Variants in TMPRSS7 observed in about 807,000 individuals in gnomAD.
TMPRSS7 encodes the protein transmembrane serine protease 7, also known as transmembrane protease serine 7.
In TMPRSS7, 81 loss-of-function variants were observed where a neutral mutation model predicts 95.6. That is an observed-to-expected ratio of 0.85 (90% CI 0.71 to 1.02). The LOEUF is 1.02. Ranked by LOEUF, TMPRSS7 falls within the 50% of genes least tolerant of loss-of-function variation. TMPRSS7 has a pLI of 0.00. For missense variants in TMPRSS7, 945 were observed against 955.2 expected, an observed-to-expected ratio of 0.99 and a Z score of 0.14; for synonymous variants, 364 against 337.8, an observed-to-expected ratio of 1.08 and a Z score of -0.85.
chr3:112,080,366 C>T (rs1467870410), intron 17 of TMPRSS7, among the ~76,000 whole-genome samples: 1 of 152,184 alleles, frequency 6.6e-6, no homozygotes, highest in Admixed American at 6.5e-5. Flanking sequence ...CTAAACAGGT[C>T]TCTTCTTCTC....
chr3:112,045,722 C>G (rs2073270229), intron 4 of TMPRSS7, 28 bp from the exon 5 acceptor site: 27 of 1,526,308 alleles, frequency 1.8e-5, no homozygotes, highest in Non-Finnish European at 2.4e-5. Flanking sequence ...CTATGAGGTC[C>G]CTGATGATCT....
At chr3:112,047,784 A>G (rs559558676) in exon 7 of TMPRSS7, 4 of 1,614,032 alleles carry the variant, frequency 2.5e-6, no homozygotes, top group African/African-American at 2.7e-5. Flanking sequence ...CTGTCTCTCC[A>G]CTACCCGCTG....
At chr3:112,062,786 C>T (rs1162149646) in intron 11 of TMPRSS7, among the ~76,000 whole-genome samples, 1 of 152,098 alleles carries the variant, frequency 6.6e-6, no homozygotes, top group African/African-American at 2.4e-5. Context: ...AATAGTGTTT[C>T]CCTCGACCAT....
chr3:112,060,985 C>T (rs1046870958), intron 10 of TMPRSS7, among the ~76,000 whole-genome samples: 19 of 152,130 alleles, frequency 1.2e-4, no homozygotes, highest in African/African-American at 4.3e-4. Context: ...TGGCTTCAGC[C>T]GGTCCCTCCA....
chr3:112,051,668 C>CATCTATCT (rs5851813), intron 9 of TMPRSS7, among the ~76,000 whole-genome samples: 19 of 128,074 alleles, frequency 1.5e-4, no homozygotes, highest in South Asian at 8.4e-4. Context: ...ATCTATCTAT[C>CATCTATCT]ATCTATCTAT....
rs2073687510 is a variant in TMPRSS7 at position 112,074,290 on chromosome 3, T to A, written c.1667-6T>A. The stretch of plus-strand genomic sequence containing the variant: ...GAAAGCTGTTTCTTCTTTTGTCCAT[T>A]GTTAGGTATTCCATGCAACAACAGA... On this transcript the variant is annotated splice_region_variant and splice_polypyrimidine_tract_variant and intron_variant, in intron 13 of 17. Transcript: ENST00000452346. 1 of 1,601,690 alleles carries A rather than the reference T, an allele frequency of 6.2e-7. No homozygotes were observed. Among genetic ancestry groups the A allele is most frequent in the Middle Eastern group, 1.7e-4 (1 of 6,032 alleles).
chr3:112,041,105 C>T (rs2073202142), intron 2 of TMPRSS7, among the ~76,000 whole-genome samples: 1 of 151,062 alleles, frequency 6.6e-6, no homozygotes, highest in South Asian at 2.1e-4. Context: ...CTAGGACGCA[C>T]TTCCCTGATA....
intron 1 of TMPRSS7, 54 bp downstream of exon 1, chr3:112,034,947 C>T: frequency 1.4e-6 from 1 of 701,396 alleles, no homozygotes; most frequent in Non-Finnish European, 2.6e-6. Context: ...ATTGTTGACC[C>T]TGTTAGTAAA....
intron 2 of TMPRSS7, among the ~76,000 whole-genome samples, chr3:112,039,442 T>C (rs149967639): frequency 1.3e-5 from 2 of 152,232 alleles, no homozygotes; most frequent in African/African-American, 4.8e-5. Context: ...TCTTTTTGTA[T>C]ATTAACAAAG....
Position 112,077,161 on chromosome 3 carries a change from A to G in TMPRSS7, c.2224+17A>G, listed in dbSNP as rs770731353. The G allele has an allele frequency of 6.2e-7, 1 of 1,611,378 alleles. No individual in the cohort carries two copies. Among genetic ancestry groups the G allele is most frequent in the Non-Finnish European group, 8.5e-7 (1 of 1,178,424 alleles). On this transcript the variant is annotated intron_variant, in intron 16 of 17. Transcript: ENST00000452346. The stretch of plus-strand genomic sequence containing the variant: ...ACGAAGCAGGTGTGTGTATGAATGA[A>G]TGGTCATGCCCTTCCCCTGCAGAGG...
exon 2 of TMPRSS7, chr3:112,038,247 A>C (rs1338469749): frequency 1.4e-6 from 1 of 702,988 alleles, no homozygotes; most frequent in East Asian, 2.7e-5. Context: ...AATGTACAAA[A>C]TAAAATCATT....
chr3:112,075,382 G>T, exon 15 of TMPRSS7: 2 of 1,523,448 alleles, frequency 1.3e-6, no homozygotes, highest in Middle Eastern at 3.5e-4. Context: ...CCCTGGAGGG[G>T]GGTTGGCCGT....
In TMPRSS7 at chr3:112,049,944, C is replaced by T. The variant is rs566809361; in HGVS notation, c.1060C>T (p.Arg354Trp). 33 of 1,570,906 alleles carry T rather than the reference C, an allele frequency of 2.1e-5. No homozygotes were observed. The South Asian group carries it at 2.1e-4, about 10-fold the overall frequency. Residue 354 changes from arginine to tryptophan, a missense_variant, in exon 8 of 18, where the codon CGG becomes TGG. Arg to Trp is a moderately radical substitution (Grantham distance 101, BLOSUM62 -3). Coordinates refer to ENST00000452346, the Ensembl canonical transcript of TMPRSS7. ...TCATATACGGAGGCTCTCAGGAATC[C>T]GGGCATATTTTGAGGTCATTCCAGA...
chr3:112,074,237 C>T (rs1218601723), intron 13 of TMPRSS7, 59 bp from the exon 14 acceptor site: 3 of 1,194,492 alleles, frequency 2.5e-6, no homozygotes, highest in South Asian at 1.3e-5. Flanking sequence ...ATTCAAATCT[C>T]ATTCACTCAA....
At chr3:112,037,296 C>A (rs2073156306) in intron 1 of TMPRSS7, among the ~76,000 whole-genome samples, 2 of 152,138 alleles carry the variant, frequency 1.3e-5, no homozygotes, top group Non-Finnish European at 2.9e-5. Flanking sequence ...CAGGAAGAGA[C>A]CTCTAAAATG....
At chr3:112,076,167 A>G (rs2073708379) in intron 15 of TMPRSS7, among the ~76,000 whole-genome samples, 1 of 152,214 alleles carries the variant, frequency 6.6e-6, no homozygotes, top group African/African-American at 2.4e-5. Flanking sequence ...AGCTAAGCAA[A>G]TTAGTGACCA....
chr3:112,050,525 A>AAAAAAAAAAAAAAC (rs2073331808), intron 8 of TMPRSS7, 146 bp from the exon 9 acceptor site: 3 of 341,432 alleles, frequency 8.8e-6, no homozygotes, highest in Non-Finnish European at 5.5e-6. Flanking sequence ...TTCTTCTGAA[A>AAAAAAAAAAAAAAC]AAAAAAAAAA....
intron 2 of TMPRSS7, 29 bp downstream of exon 2, chr3:112,038,350 G>C (rs767168930): frequency 1.0e-5 from 7 of 696,672 alleles, no homozygotes; most frequent in Non-Finnish European, 1.8e-5. Flanking sequence ...TTTCTTTGGG[G>C]TTAGGGCTTA....
rs143270245 is a variant in TMPRSS7, at chr3:112,047,738, G to A, written c.731-1G>A. 8.6e-4 allele frequency: 1,379 copies of A among 1,609,840 alleles called. 12 individuals are homozygous for A. In the African/African-American group the frequency reaches 0.017, roughly 20 times the overall value. On this transcript the variant is annotated splice_acceptor_variant, in intron 6 of 17. Coordinates refer to ENST00000452346, the Ensembl canonical transcript of TMPRSS7. LOFTEE classifies it high-confidence loss of function. ...AAAGGAAAATGGTGCTGTCTCCACA[G>A]ACAAAGGCTGCTCTCAGTACTTCTA...
Sources: gnomAD v4.1 joint callset for allele counts (sites outside exome capture counted in the v4.1 genomes callset) on GRCh38, gnomAD v4.1.1 for gene constraint, MANE v1.5 for transcripts, NCBI Gene and HGNC (gene_info 2026-07-23, HGNC 2026-07-21) for gene names.